TENT4A: variants seen among roughly 807,000 people sequenced by gnomAD.
TENT4A encodes the protein terminal nucleotidyltransferase 4A, also known as DNA polymerase kappa.
In TENT4A, 7 loss-of-function variants were observed where a neutral mutation model predicts 72.8. The observed-to-expected ratio is 0.10, with a 90% CI of 0.05 to 0.18. The LOEUF (loss-of-function observed/expected upper bound fraction) is 0.18, where lower values mean the gene tolerates loss of function less well. TENT4A is among the 10% of genes least tolerant of loss of function. The pLI is 1.00. For missense variants in TENT4A, 831 were observed against 1,017.7 expected, an observed-to-expected ratio of 0.82 and a Z score of 2.50; for synonymous variants, 456 against 434.3, an observed-to-expected ratio of 1.05 and a Z score of -0.62.
rs200618816 is a variant in TENT4A, at chr5:6,748,492, C to T, written c.1488C>T (p.Gly496=). 1.8e-4 allele frequency: 284 copies of T among 1,614,134 alleles called. No individual in the cohort carries two copies. The highest frequency in any genetic ancestry group is 1.9e-4 in the Non-Finnish European group (228 of 1,180,026). ...ATGACGTTGGCCGGAGCTCCTATGG[C>T]GCCATGCAGGTGAAGCAGGTCTTCG... ...PGNDVGRSSY[G]AMQVKQVFDY... is the part of the protein sequence containing the mutation. The change falls in exon 8 of 13, where the codon GGC becomes GGT. Residue 496 remains glycine, a synonymous_variant. Transcript: ENST00000230859.
In TENT4A at chr5:6,719,930, G is replaced by A. The variant is rs80347511; in HGVS notation, c.716+5231G>A. Among the ~76,000 whole-genome samples the A allele has an allele frequency of 9.9e-3, 1,514 of 152,272 alleles. 26 individuals carry two copies. The highest frequency in any genetic ancestry group is 0.034 in the African/African-American group (1,428 of 41,548). On this transcript the variant is annotated intron_variant, in intron 1 of 12. Transcript: ENST00000230859. ...CTGCTTAGGCTTTTGCAAGGCTGAA[G>A]TCAAGGTGTTGGCCAGCTGTGTTCT...
chr5:6,751,508 A>G, intron 11 of TENT4A: 2 of 299,538 alleles, frequency 6.7e-6, no homozygotes, highest in South Asian at 6.4e-5. Context: ...TCATCTTGAG[A>G]GAGCGACTCA....
At chr5:6,727,779 C>G (rs773031172) in intron 1 of TENT4A, among the ~76,000 whole-genome samples, 1 of 152,168 alleles carries the variant, frequency 6.6e-6, no homozygotes, top group African/African-American at 2.4e-5. Flanking sequence ...CATCATGCCC[C>G]CTGTCCCTCC....
intron 1 of TENT4A, among the ~76,000 whole-genome samples, chr5:6,724,276 A>C (rs562370044): frequency 6.6e-6 from 1 of 152,350 alleles, no homozygotes; most frequent in Non-Finnish European, 1.5e-5. Context: ...GAATGGGCAG[A>C]GATGGGCCAG....
chr5:6,722,553 T>G (rs1196995264), intron 1 of TENT4A, among the ~76,000 whole-genome samples: 1 of 150,076 alleles, frequency 6.7e-6, no homozygotes, highest in Non-Finnish European at 1.5e-5. Flanking sequence ...GTTAGTTTTT[T>G]TTTTTTTTTT....
chr5:6,749,513 A>G (rs1171973928), intron 8 of TENT4A, 44 bp from the exon 9 acceptor site: 10 of 1,303,632 alleles, frequency 7.7e-6, no homozygotes, highest in Non-Finnish European at 1.1e-5. Flanking sequence ...CAGCTCCCTG[A>G]CACCTGTTGT....
In TENT4A at chr5:6,732,812, G is replaced by A. The variant is rs116020082; in HGVS notation, c.717-4698G>A. ...ATGAATCATTAAGAGTTTGCTCCGT[G>A]GCAATGGATCGGGAAGCTGACCCTG... On this transcript the variant is annotated intron_variant, in intron 1 of 12. Transcript: ENST00000230859. Among the ~76,000 whole-genome samples, 386 of 152,216 alleles carry A rather than the reference G, an allele frequency of 2.5e-3. 2 individuals are homozygous for A. The highest frequency in any genetic ancestry group is 6.0e-3 in the South Asian group (29 of 4,810).
intron 1 of TENT4A, among the ~76,000 whole-genome samples, chr5:6,717,158 A>G (rs969850081): frequency 6.6e-6 from 1 of 152,230 alleles, no homozygotes; most frequent in Non-Finnish European, 1.5e-5. Context: ...AGTTCTGTCT[A>G]GAACTTGCTT....
At chr5:6,739,632 G>A (rs1304356286) in intron 3 of TENT4A, 100 bp from the exon 4 acceptor site, 13 of 1,426,470 alleles carry the variant, frequency 9.1e-6, no homozygotes, top group Non-Finnish European at 1.2e-5. Flanking sequence ...TGGCCTTTGT[G>A]GGAGACACAG....
intron 1 of TENT4A, among the ~76,000 whole-genome samples, chr5:6,733,369 G>A (rs1287165486): frequency 6.6e-6 from 1 of 152,232 alleles, no homozygotes; most frequent in Non-Finnish European, 1.5e-5. Flanking sequence ...ATGCCTGGGG[G>A]GCAGCAGGGC....
At chr5:6,752,335 T>TA (rs771291571) in intron 11 of TENT4A, among the ~76,000 whole-genome samples, 24 of 152,198 alleles carry the variant, frequency 1.6e-4, no homozygotes, top group Admixed American at 6.5e-4. Context: ...GTTGTTGGGG[T>TA]AAATGCACGG....
chr5:6,736,624 G>A (rs561787291), intron 1 of TENT4A, among the ~76,000 whole-genome samples: 1 of 152,336 alleles, frequency 6.6e-6, no homozygotes, highest in South Asian at 2.1e-4. Context: ...AGTCATCTGT[G>A]TAGGCCTCAG....
chr5:6,717,273 CCA>C (rs1740435918), intron 1 of TENT4A, among the ~76,000 whole-genome samples: 2 of 152,224 alleles, frequency 1.3e-5, no homozygotes, highest in African/African-American at 4.8e-5. Flanking sequence ...CCTGGGCTGG[CCA>C]ATAGTAAAGG....
chr5:6,729,839 C>T (rs985838234), intron 1 of TENT4A, among the ~76,000 whole-genome samples: 4 of 152,066 alleles, frequency 2.6e-5, no homozygotes, highest in African/African-American at 4.8e-5. Context: ...GGGTTTGCTC[C>T]GGGTGGTACC....
intron 1 of TENT4A, among the ~76,000 whole-genome samples, chr5:6,727,293 C>T (rs1740981098): frequency 6.6e-6 from 1 of 152,178 alleles, no homozygotes; most frequent in Non-Finnish European, 1.5e-5. Context: ...CCCACCTTGC[C>T]CCTGGGACCT....
intron 6 of TENT4A, 68 bp downstream of exon 6, chr5:6,743,908 C>G (rs1741950436): frequency 2.8e-6 from 4 of 1,452,504 alleles, no homozygotes; most frequent in Non-Finnish European, 3.8e-6. Flanking sequence ...CAACCAGTTG[C>G]CTAGTGGGTT....
Position 6,747,167 on chromosome 5 carries a change from G to C in TENT4A, c.1459+740G>C, listed in dbSNP as rs367904529. ...TTTTGATTGAGCGTCTGTTAGGTGA[G>C]ATACCATTCTTACTGTTGGTGATAA... On this transcript the variant is annotated intron_variant, in intron 7 of 12. Transcript: ENST00000230859. 3.9e-5 allele frequency among the ~76,000 whole-genome samples: 6 copies of C among 152,336 alleles called. No homozygotes were observed. In the East Asian group the frequency reaches 1.2e-3, roughly 29 times the overall value.
chr5:6,722,604 C>CT (rs1269390833), intron 1 of TENT4A, among the ~76,000 whole-genome samples: 3 of 137,408 alleles, frequency 2.2e-5, no homozygotes, highest in African/African-American at 8.4e-5. Context: ...TGTTCTACAG[C>CT]TTTAAATAAG....
chr5:6,747,858 T>G (rs960630026), intron 7 of TENT4A, among the ~76,000 whole-genome samples: 20 of 152,254 alleles, frequency 1.3e-4, no homozygotes, highest in Non-Finnish European at 2.9e-4. Flanking sequence ...AAATTAAGCT[T>G]CTCCTGACTG....
Sources: allele counts gnomAD v4.1 joint callset (sites outside exome capture counted in the v4.1 genomes callset), GRCh38; gene constraint gnomAD v4.1.1; transcripts MANE v1.5; gene names NCBI Gene and HGNC (gene_info 2026-07-23, HGNC 2026-07-21).